KCNJ6: variants seen among roughly 807,000 people sequenced by gnomAD.
KCNJ6 encodes the protein G protein-activated inward rectifier potassium channel 2.
Under a neutral mutation model 34.2 loss-of-function variants are expected in KCNJ6, and 9 were observed. That is an observed-to-expected ratio of 0.26 (90% CI 0.16 to 0.46). The LOEUF (loss-of-function observed/expected upper bound fraction) is 0.46, where lower values mean the gene tolerates loss of function less well. Among genes scored for constraint, KCNJ6 ranks in the 20% least tolerant of loss-of-function variants. The pLI is 1.00. For synonymous variants in KCNJ6, 196 were observed against 207.1 expected, an observed-to-expected ratio of 0.95 and a Z score of 0.46; for missense variants, 236 against 531.3, an observed-to-expected ratio of 0.44 and a Z score of 5.46.
rs948754828 is a variant in KCNJ6 at position 37,618,151 on chromosome 21, G to A, written c.*7008C>T. 2.0e-5 allele frequency: 3 copies of A among 152,310 alleles called. No individual in the cohort carries two copies. The highest frequency in any genetic ancestry group is 7.2e-5 in the African/African-American group (3 of 41,458). 9.4% of individuals were successfully genotyped at this position (152,310 alleles called of 1,614,324 possible). A position where few individuals can be genotyped will look rare whatever the true frequency, so the allele number is the denominator to read the frequency against. On this transcript the variant is annotated 3_prime_UTR_variant, in exon 4 of 4. Transcript: ENST00000609713. ...GTCAGGGCGATGCCCGTGATGGCCG[G>A]ATCTGAGGACAGTGCTCCTTCCCCT...
chr21:37,750,869 AAAGTAT>A (rs1237294696), intron 2 of KCNJ6, among the ~76,000 whole-genome samples: 11 of 152,228 alleles, frequency 7.2e-5, no homozygotes, highest in African/African-American at 2.7e-4. Flanking sequence ...CCCACAACTT[AAAGTAT>A]AATAATAAAA....
intron 2 of KCNJ6, among the ~76,000 whole-genome samples, chr21:37,767,314 G>A (rs999913102): frequency 2.7e-4 from 41 of 152,188 alleles, no homozygotes; most frequent in African/African-American, 6.3e-4. Context: ...ACAGTTTGGC[G>A]TTCGAATCTA....
chr21:37,899,348 C>G (rs1362353080), intron 1 of KCNJ6, among the ~76,000 whole-genome samples: 1 of 152,138 alleles, frequency 6.6e-6, no homozygotes, highest in African/African-American at 2.4e-5. Context: ...TGAAATACAG[C>G]CAAGTTGGAC....
intron 2 of KCNJ6, among the ~76,000 whole-genome samples, chr21:37,742,449 G>A (rs1353836491): frequency 6.6e-6 from 1 of 152,046 alleles, no homozygotes; most frequent in African/African-American, 2.4e-5. Context: ...TGTTGTTGTT[G>A]TTCTGGATTA....
intron 3 of KCNJ6, among the ~76,000 whole-genome samples, chr21:37,700,275 G>C (rs1204326393): frequency 6.6e-6 from 1 of 152,194 alleles, no homozygotes; most frequent in Non-Finnish European, 1.5e-5. Flanking sequence ...TTGTGGGCAG[G>C]AGTTATTGGA....
intron 1 of KCNJ6, among the ~76,000 whole-genome samples, chr21:37,871,781 T>G (rs561678678): frequency 6.6e-6 from 1 of 152,356 alleles, no homozygotes; most frequent in East Asian, 1.9e-4. Context: ...AGTTTGGTAT[T>G]GTGGTTTATT....
chr21:37,901,730 T>C (rs1162571840), intron 1 of KCNJ6, among the ~76,000 whole-genome samples: 1 of 152,230 alleles, frequency 6.6e-6, no homozygotes, highest in Non-Finnish European at 1.5e-5. Flanking sequence ...TCTTTGATGA[T>C]GTGGGTGCCC....
intron 3 of KCNJ6, among the ~76,000 whole-genome samples, chr21:37,680,404 C>A (rs541643290): frequency 6.6e-6 from 1 of 152,132 alleles, no homozygotes; most frequent in African/African-American, 2.4e-5. Context: ...CTCGGCTGCA[C>A]GTGGCTGCTG....
At chr21:37,829,973 T>G (rs117930146) in intron 2 of KCNJ6, among the ~76,000 whole-genome samples, 4,965 of 152,316 alleles carry the variant, frequency 0.033, 152 homozygotes, top group Admixed American at 0.097. Context: ...TCTCGTTCCA[T>G]GTTCTGGGAG....
rs2054736521 is a variant in KCNJ6, at chr21:37,709,135, CAGA to C, written c.946+5073_946+5075del. On this transcript the variant is annotated intron_variant, in intron 3 of 3. Transcript: ENST00000609713. ...AAAATGAATTGATAACATTTGGAAA[CAGA>C]AGAACCTTAAAGGAAAGGAAGAACT... is the stretch of plus-strand genomic sequence containing the variant. Among the ~76,000 whole-genome samples the C allele has an allele frequency of 2.7e-5, 3 of 112,072 alleles. No homozygotes were observed. In the South Asian group the frequency reaches 8.5e-4, roughly 32 times the overall value. The allele number at this position is 112,072 out of a possible 152,430, so 73.5% of individuals were successfully genotyped here.
intron 3 of KCNJ6, among the ~76,000 whole-genome samples, chr21:37,668,057 T>C (rs2835887): frequency 0.48 from 73,339 of 151,710 alleles, 18,611 homozygotes; most frequent in African/African-American, 0.66. Context: ...GTCTGATCAG[T>C]GGGCGCAGCT....
intron 3 of KCNJ6, among the ~76,000 whole-genome samples, chr21:37,664,814 T>G (rs2054506404): frequency 1.3e-5 from 1 of 79,586 alleles, no homozygotes; most frequent in Admixed American, 1.3e-4. Context: ...TTTTTTTTTT[T>G]GAGATGGAGT....
Position 37,615,884 on chromosome 21 carries a change from G to A in KCNJ6, c.*9275C>T, listed in dbSNP as rs913960389. 14 of 152,238 alleles carry A rather than the reference G, an allele frequency of 9.2e-5. No individual in the cohort carries two copies. Among genetic ancestry groups the A allele is most frequent in the African/African-American group, 2.9e-4 (12 of 41,466 alleles). The allele number at this position is 152,238 out of a possible 1,614,324, so 9.4% of individuals were successfully genotyped here. A position where few individuals can be genotyped will look rare whatever the true frequency, so the allele number is the denominator to read the frequency against. On this transcript the variant is annotated 3_prime_UTR_variant, in exon 4 of 4. Transcript: ENST00000609713. Reference sequence around the variant, plus strand: ...TTTTTTAAAGGCAAATGTGACTGGAGTGTGGGCATGAGTGTGATATGAGGA... The same window carrying A: ...TTTTTTAAAGGCAAATGTGACTGGAATGTGGGCATGAGTGTGATATGAGGA...
intron 2 of KCNJ6, among the ~76,000 whole-genome samples, chr21:37,828,299 T>G (rs538783630): frequency 7.2e-4 from 109 of 152,286 alleles, no homozygotes; most frequent in African/African-American, 2.5e-3. Context: ...CTTGACTTTT[T>G]CCTCTCTGGG....
chr21:37,654,569 G>T (rs1035182806), intron 3 of KCNJ6, among the ~76,000 whole-genome samples: 2 of 152,118 alleles, frequency 1.3e-5, no homozygotes, highest in African/African-American at 4.8e-5. Context: ...TGTGTCAAGA[G>T]ACCCCTCTGG....
intron 3 of KCNJ6, among the ~76,000 whole-genome samples, chr21:37,684,685 T>G (rs979965124): frequency 1.3e-5 from 2 of 152,218 alleles, no homozygotes; most frequent in African/African-American, 4.8e-5. Context: ...GAAGACCACT[T>G]AAGTCCATGG....
chr21:37,765,227 A>G (rs747045782), intron 2 of KCNJ6, among the ~76,000 whole-genome samples: 86 of 152,280 alleles, frequency 5.6e-4, no homozygotes, highest in Non-Finnish European at 1.1e-3. Context: ...GCCACTGCAC[A>G]TCTCTTTTAA....
At chr21:37,735,728 C>T (rs2054909382) in intron 2 of KCNJ6, among the ~76,000 whole-genome samples, 1 of 152,192 alleles carries the variant, frequency 6.6e-6, no homozygotes, top group Non-Finnish European at 1.5e-5. Flanking sequence ...CACAGGGACA[C>T]CTGCTCTGAA....
At chr21:37,809,906 G>T (rs568303258) in intron 2 of KCNJ6, among the ~76,000 whole-genome samples, 46 of 152,332 alleles carry the variant, frequency 3.0e-4, no homozygotes, top group African/African-American at 1.1e-3. Flanking sequence ...AAAGCACAAA[G>T]TGGCAGAAGC....
Sources: allele counts gnomAD v4.1 joint callset (sites outside exome capture counted in the v4.1 genomes callset), GRCh38; gene constraint gnomAD v4.1.1; transcripts MANE v1.5; gene names NCBI Gene and HGNC (gene_info 2026-07-23, HGNC 2026-07-21).